The following PTPRD variants were observed in gnomAD, a reference collection of about 807,000 sequenced individuals.
The protein encoded by PTPRD is protein tyrosine phosphatase receptor type D.
In PTPRD, 34 loss-of-function variants were observed where a neutral mutation model predicts 214.5. The observed-to-expected ratio is 0.16, with a 90% CI of 0.12 to 0.21. The LOEUF is 0.21. Among genes scored for constraint, PTPRD ranks in the 10% least tolerant of loss-of-function variants. The pLI is 1.00. For missense variants in PTPRD, 2,545 were observed against 2,398.7 expected (o/e 1.06, Z -1.27); for synonymous variants, 1,128 against 845.7 (o/e 1.33, Z -5.79).
intron 10 of PTPRD, among the ~76,000 whole-genome samples, chr9:9,146,520 G>T (rs1395109278): frequency 6.6e-6 from 1 of 152,070 alleles, no homozygotes; most frequent in African/African-American, 2.4e-5. Context: ...TGTGGTGGTT[G>T]TCGTTTTTCT....
chr9:8,856,286 T>C (rs1602008947), intron 11 of PTPRD, among the ~76,000 whole-genome samples: 1 of 152,274 alleles, frequency 6.6e-6, no homozygotes, highest in East Asian at 1.9e-4. Flanking sequence ...AGTTGAGTGG[T>C]TGGTGTGTGC....
chr9:9,339,628 G>A (rs989683639), intron 9 of PTPRD, among the ~76,000 whole-genome samples: 2 of 152,120 alleles, frequency 1.3e-5, no homozygotes, highest in Admixed American at 6.5e-5. Context: ...TGCATTGACA[G>A]GTTAGCAATT....
At chr9:9,918,319 A>G (rs1417800074) in intron 5 of PTPRD, among the ~76,000 whole-genome samples, 1 of 150,576 alleles carries the variant, frequency 6.6e-6, no homozygotes, top group Non-Finnish European at 1.5e-5. Flanking sequence ...AGAAACTTAT[A>G]AAATACCTAG....
intron 6 of PTPRD, among the ~76,000 whole-genome samples, chr9:9,751,179 A>C (rs2098515043): frequency 6.7e-6 from 1 of 150,226 alleles, no homozygotes; most frequent in African/African-American, 2.4e-5. Flanking sequence ...TTGAACTTAA[A>C]AAAAATATTT....
At chr9:8,955,624 T>G (rs1453312442) in intron 11 of PTPRD, among the ~76,000 whole-genome samples, 2 of 151,702 alleles carry the variant, frequency 1.3e-5, no homozygotes, top group Non-Finnish European at 2.9e-5. Context: ...TATTTTTTAT[T>G]TTTTATTTTT....
chr9:9,180,131 T>C (rs2099927331), intron 10 of PTPRD, among the ~76,000 whole-genome samples: 1 of 151,630 alleles, frequency 6.6e-6, no homozygotes, highest in Non-Finnish European at 1.5e-5. Flanking sequence ...CATGCTGCTA[T>C]GAAGACACAT....
At chr9:9,484,725 G>A (rs192592740) in intron 8 of PTPRD, among the ~76,000 whole-genome samples, 6 of 152,172 alleles carry the variant, frequency 3.9e-5, no homozygotes, top group African/African-American at 7.2e-5. Context: ...AATTTTACGA[G>A]GTCATATAGG....
chr9:9,920,334 T>C (rs2082209710), intron 5 of PTPRD, among the ~76,000 whole-genome samples: 1 of 152,152 alleles, frequency 6.6e-6, no homozygotes, highest in Non-Finnish European at 1.5e-5. Flanking sequence ...AGTTCAAAAT[T>C]ACTGCTAAAA....
intron 35 of PTPRD, among the ~76,000 whole-genome samples, 174 bp downstream of exon 35, chr9:8,436,418 A>G (rs2095351901): frequency 6.6e-6 from 1 of 152,264 alleles, no homozygotes; most frequent in Non-Finnish European, 1.5e-5. Flanking sequence ...AACTGTAATT[A>G]CTATATTGCT....
intron 10 of PTPRD, among the ~76,000 whole-genome samples, chr9:9,122,855 T>C (rs2099818918): frequency 6.6e-6 from 1 of 152,146 alleles, no homozygotes; most frequent in South Asian, 2.1e-4. Context: ...ACAAACCCAA[T>C]CCCATTTCCA....
chr9:10,266,012 T>G (rs924722429), intron 3 of PTPRD, among the ~76,000 whole-genome samples: 1 of 152,210 alleles, frequency 6.6e-6, no homozygotes, highest in African/African-American at 2.4e-5. Context: ...AATATATTAC[T>G]AAACTTATAT....
At chr9:10,449,746 C>T (rs2130779027) in intron 2 of PTPRD, among the ~76,000 whole-genome samples, 1 of 151,866 alleles carries the variant, frequency 6.6e-6, no homozygotes, top group Non-Finnish European at 1.5e-5. Context: ...GAGGTGTACC[C>T]AACAGCTCAT....
chr9:9,905,011 C>T lies in PTPRD; in HGVS notation c.-368+33496G>A, dbSNP rs1340182961. On this transcript the variant is annotated intron_variant, in intron 5 of 45. Transcript: ENST00000381196. ...AAATCATCTTCCTAAATATGCAAATCAGTGAGGCATATATTATCAGTGTTC... is the reference window on the plus strand; with the variant it reads ...AAATCATCTTCCTAAATATGCAAATTAGTGAGGCATATATTATCAGTGTTC... Among the ~76,000 whole-genome samples the T allele has an allele frequency of 3.9e-5, 6 of 151,974 alleles. No individual in the cohort carries two copies. In the East Asian group the frequency reaches 1.2e-3, roughly 29 times the overall value.
intron 11 of PTPRD, among the ~76,000 whole-genome samples, chr9:9,002,834 A>G (rs1385854543): frequency 6.6e-6 from 1 of 152,048 alleles, no homozygotes; most frequent in Non-Finnish European, 1.5e-5. Context: ...GCACCCATCA[A>G]GTAAGGGTCA....
chr9:8,500,727 C>T (rs2136942225), intron 24 of PTPRD, 27 bp downstream of exon 24: 1 of 1,609,282 alleles, frequency 6.2e-7, no homozygotes, highest in South Asian at 1.1e-5. Context: ...CAGAAGGGTG[C>T]AAACTGACGT....
chr9:8,376,523 G>C, intron 38 of PTPRD, 84 bp downstream of exon 38: 1 of 1,573,664 alleles, frequency 6.4e-7, no homozygotes, highest in Admixed American at 1.7e-5. Flanking sequence ...TTTAAGTAAA[G>C]CCTTAAGAGA....
intron 11 of PTPRD, among the ~76,000 whole-genome samples, chr9:8,884,041 T>C (rs759482865): frequency 1.3e-5 from 2 of 152,220 alleles, no homozygotes; most frequent in Middle Eastern, 3.2e-3. Context: ...ATAATTCTTA[T>C]TCCCATTTTA....
chr9:10,112,766 C>G (rs2890901), intron 3 of PTPRD, among the ~76,000 whole-genome samples: 1 of 152,076 alleles, frequency 6.6e-6, no homozygotes, highest in East Asian at 1.9e-4. Flanking sequence ...CTAGGAAGAA[C>G]GAGAACAATG....
At chr9:9,359,275 G>C (rs1241938248) in intron 9 of PTPRD, among the ~76,000 whole-genome samples, 2 of 151,266 alleles carry the variant, frequency 1.3e-5, no homozygotes, top group Non-Finnish European at 3.0e-5. Flanking sequence ...GTCTAAATGT[G>C]GCTTTGGGCT....
Sources: gnomAD v4.1 joint callset for allele counts (sites outside exome capture counted in the v4.1 genomes callset) on GRCh38, gnomAD v4.1.1 for gene constraint, MANE v1.5 for transcripts, NCBI Gene and HGNC (gene_info 2026-07-23, HGNC 2026-07-21) for gene names.